Variants in GRM8 observed in about 807,000 individuals in gnomAD.
GRM8 encodes the protein metabotropic glutamate receptor 8.
In GRM8, 47 loss-of-function variants were observed where a neutral mutation model predicts 87.2. The observed-to-expected ratio is 0.54, with a 90% CI of 0.43 to 0.69. The LOEUF (loss-of-function observed/expected upper bound fraction) is 0.69, where lower values mean the gene tolerates loss of function less well. GRM8 is among the 30% of genes least tolerant of loss of function. The probability of loss-of-function intolerance (pLI) is 0.00; values close to 1 mark genes in which losing one functional copy is unlikely to be tolerated. For synonymous variants in GRM8, 396 were observed against 404.5 expected (o/e 0.98, Z 0.25); for missense variants, 1,019 against 1,139.2 (o/e 0.89, Z 1.52).
At chr7:127,213,369 G>A (rs1313142887) in intron 2 of GRM8, among the ~76,000 whole-genome samples, 1 of 152,098 alleles carries the variant, frequency 6.6e-6, no homozygotes, top group Non-Finnish European at 1.5e-5. Context: ...AGATTTTGAA[G>A]ACTTAGTATG....
At chr7:126,758,654 G>A (rs1475837080) in intron 7 of GRM8, among the ~76,000 whole-genome samples, 1 of 152,128 alleles carries the variant, frequency 6.6e-6, no homozygotes, top group Admixed American at 6.5e-5. Flanking sequence ...TTAAATGAAT[G>A]TTTTTGACAT....
chr7:127,045,151 G>A (rs1287318508), intron 3 of GRM8, among the ~76,000 whole-genome samples: 3 of 152,036 alleles, frequency 2.0e-5, no homozygotes, highest in African/African-American at 7.2e-5. Flanking sequence ...TCAAATGCAT[G>A]ACTTCAAAGT....
chr7:126,825,486 C>T (rs1435426346), intron 6 of GRM8, among the ~76,000 whole-genome samples: 1 of 152,150 alleles, frequency 6.6e-6, no homozygotes, highest in Non-Finnish European at 1.5e-5. Flanking sequence ...ATGACTTGCT[C>T]AGGGTCAAAA....
chr7:126,904,113 C>A lies in GRM8; in HGVS notation c.877G>T (p.Ala293Ser), dbSNP rs147449603. ...CCACTTTGGTTTAGTTTTTTTGCTG[C>A]TTCCAATATCCTCCTACAGGAATAA... ...NEDDIRRILE[A>S]AKKLNQSGHF... Residue 293 changes from alanine (A) to serine (S), a missense_variant, in exon 5 of 11, where the codon GCA becomes TCA. Coordinates refer to ENST00000339582, the MANE Select transcript of GRM8 (RefSeq NM_000845.3). The A allele has an allele frequency of 1.2e-6, 2 of 1,609,200 alleles. No individual in the cohort carries two copies. The highest frequency in any genetic ancestry group is 1.3e-5 in the African/African-American group (1 of 74,740).
chr7:126,738,143 A>G (rs995361629), intron 7 of GRM8, among the ~76,000 whole-genome samples: 1 of 152,124 alleles, frequency 6.6e-6, no homozygotes, highest in East Asian at 1.9e-4. Flanking sequence ...AGCCAGAGAA[A>G]AGGGCACATA....
intron 3 of GRM8, among the ~76,000 whole-genome samples, chr7:127,003,330 C>T (rs1014522285): frequency 1.3e-5 from 2 of 151,766 alleles, no homozygotes; most frequent in African/African-American, 4.8e-5. Flanking sequence ...AATCTCCACA[C>T]TTAGCTCCTA....
At chr7:126,603,737 A>G (rs966436453) in intron 8 of GRM8, among the ~76,000 whole-genome samples, 12 of 151,904 alleles carry the variant, frequency 7.9e-5, no homozygotes, top group Admixed American at 4.6e-4. Flanking sequence ...ACATATATAT[A>G]TGTATGTATG....
intron 2 of GRM8, among the ~76,000 whole-genome samples, chr7:127,187,644 T>C (rs1563566832): frequency 6.6e-6 from 1 of 152,192 alleles, no homozygotes; most frequent in Non-Finnish European, 1.5e-5. Context: ...CACTAACTCC[T>C]GGCTCTTTCT....
intron 3 of GRM8, among the ~76,000 whole-genome samples, chr7:127,085,174 G>T (rs1291365709): frequency 2.0e-5 from 3 of 152,148 alleles, no homozygotes; most frequent in Admixed American, 6.5e-5. Flanking sequence ...AGTATTCCAT[G>T]GTGTATATGT....
intron 3 of GRM8, among the ~76,000 whole-genome samples, chr7:127,079,731 G>A (rs1175578345): frequency 2.0e-5 from 3 of 152,098 alleles, no homozygotes; most frequent in East Asian, 1.9e-4. Context: ...CATTTGCCTC[G>A]GGATACATTG....
At chr7:126,961,828 G>A (rs1809356396) in intron 3 of GRM8, among the ~76,000 whole-genome samples, 1 of 152,196 alleles carries the variant, frequency 6.6e-6, no homozygotes, top group South Asian at 2.1e-4. Context: ...GCTGAGGCCT[G>A]TTCTCCAGTT....
intron 2 of GRM8, among the ~76,000 whole-genome samples, chr7:127,178,003 CCCTGATTTA>C (rs1314064513): frequency 6.6e-6 from 1 of 152,126 alleles, no homozygotes; most frequent in African/African-American, 2.4e-5. Context: ...AAGAATAAAT[CCCTGATTTA>C]CCTGAAAAAG....
At chr7:126,451,983 T>C (rs944835043) in intron 9 of GRM8, among the ~76,000 whole-genome samples, 2 of 151,784 alleles carry the variant, frequency 1.3e-5, no homozygotes, top group African/African-American at 4.8e-5. Context: ...CTAGCTAGAA[T>C]AAAAATTCCA....
In GRM8 at chr7:127,242,893, G is replaced by A. The variant is rs1017166817; in HGVS notation, c.312C>T (p.Asp104=). 2 of 1,613,934 alleles carry A rather than the reference G, an allele frequency of 1.2e-6. No homozygotes were observed. Among genetic ancestry groups the A allele is most frequent in the Non-Finnish European group, 1.7e-6 (2 of 1,179,816 alleles). ...AAGCATAGGTGTCCCTAGAGCACGTGTCGAGGATGCGGACACCCAGAGTGA... is the reference window on the plus strand; with the variant it reads ...AAGCATAGGTGTCCCTAGAGCACGTATCGAGGATGCGGACACCCAGAGTGA... ...SNITLGVRIL[D]TCSRDTYALE... is the part of the protein sequence containing the mutation. Residue 104 remains aspartate, a synonymous_variant, in exon 2 of 11, where the codon GAC becomes GAT. Coordinates refer to ENST00000339582, the MANE Select transcript of GRM8 (RefSeq NM_000845.3).
At chr7:126,926,579 C>T (rs116162301) in intron 3 of GRM8, among the ~76,000 whole-genome samples, 130 of 152,292 alleles carry the variant, frequency 8.5e-4, no homozygotes, top group African/African-American at 3.0e-3. Flanking sequence ...TGATGGTGAA[C>T]GCTACTTCTC....
intron 7 of GRM8, among the ~76,000 whole-genome samples, chr7:126,645,282 C>T (rs1802907626): frequency 6.6e-6 from 1 of 152,220 alleles, no homozygotes; most frequent in Non-Finnish European, 1.5e-5. Flanking sequence ...TCTCCAATTG[C>T]TCCTATAGAT....
At chr7:126,829,638 G>A (rs1194966586) in intron 6 of GRM8, among the ~76,000 whole-genome samples, 4 of 151,802 alleles carry the variant, frequency 2.6e-5, no homozygotes, top group Non-Finnish European at 5.9e-5. Context: ...CACACTGATG[G>A]GTCTTGACTC....
intron 1 of GRM8, 62 bp from the exon 2 acceptor site, chr7:127,243,577 C>T (rs2116885022): frequency 5.3e-6 from 1 of 187,632 alleles, no homozygotes; most frequent in African/African-American, 2.4e-5. Flanking sequence ...CATTTTGCAG[C>T]CCTGTTTACG....
intron 7 of GRM8, 102 bp from the exon 8 acceptor site, chr7:126,609,600 A>G: frequency 1.2e-6 from 1 of 825,694 alleles, no homozygotes; most frequent in Non-Finnish European, 1.9e-6. Flanking sequence ...ATATTGTGTG[A>G]AGTAAGTGAT....
Sources: gnomAD v4.1 joint callset for allele counts (sites outside exome capture counted in the v4.1 genomes callset) on GRCh38, gnomAD v4.1.1 for gene constraint, MANE v1.5 for transcripts, NCBI Gene and HGNC (gene_info 2026-07-23, HGNC 2026-07-21) for gene names.